WRN: variants seen among roughly 807,000 people sequenced by gnomAD.
WRN encodes bifunctional 3'-5' exonuclease/ATP-dependent helicase WRN.
A neutral mutation model predicts 180.7 loss-of-function variants in WRN; 149 were observed. That is an observed-to-expected ratio of 0.82 (90% CI 0.72 to 0.94). The LOEUF (loss-of-function observed/expected upper bound fraction) is 0.94, where lower values mean the gene tolerates loss of function less well. WRN is among the 40% of genes least tolerant of loss of function. WRN has a pLI of 0.00. For synonymous variants in WRN, 548 were observed against 568.9 expected (o/e 0.96, Z 0.52); for missense variants, 1,661 against 1,700.1 (o/e 0.98, Z 0.40).
chr8:31,128,422 T>C lies in WRN; in HGVS notation c.2825+3422T>C, dbSNP rs74538104. On this transcript the variant is annotated intron_variant, in intron 23 of 34. Transcript: ENST00000298139. The stretch of plus-strand genomic sequence containing the variant: ...ATGTGTATATAACACACTGGGCTAA[T>C]TGTCAGAGTTCAGTTTCTGTCCAAA... Among the ~76,000 whole-genome samples the C allele has an allele frequency of 2.8e-4, 42 of 152,288 alleles. 1 individual carries two copies. In the East Asian group the frequency reaches 7.7e-3, roughly 28 times the overall value.
Position 31,076,219 on chromosome 8 carries a change from C to A in WRN, c.771C>A (p.Ile257=). 1 of 1,613,850 alleles carries A rather than the reference C, an allele frequency of 6.2e-7. No homozygotes were observed. Among genetic ancestry groups the A allele is most frequent in the Non-Finnish European group, 8.5e-7 (1 of 1,179,940 alleles). Residue 257 remains isoleucine, a synonymous_variant, in exon 8 of 35, where the codon ATC becomes ATA. Transcript: ENST00000298139. ...LSDMNKQLTS[I]SEEVMDLAKH... ...ACATGAACAAACAGTTGACTTCAATCTCTGAGGAAGTGATGGATCTGGCTA... is the reference window on the plus strand; with the variant it reads ...ACATGAACAAACAGTTGACTTCAATATCTGAGGAAGTGATGGATCTGGCTA...
intron 18 of WRN, among the ~76,000 whole-genome samples, chr8:31,101,321 C>T (rs953612538): frequency 7.9e-5 from 12 of 152,008 alleles, no homozygotes; most frequent in African/African-American, 1.2e-4. Flanking sequence ...CATATTTGTC[C>T]GAATGTCTTC....
At chr8:31,106,913 A>G (rs1801120365) in intron 18 of WRN, among the ~76,000 whole-genome samples, 1 of 152,212 alleles carries the variant, frequency 6.6e-6, no homozygotes, top group Admixed American at 6.5e-5. Flanking sequence ...ATGAATGATG[A>G]TGAGAAAGCT....
At chr8:31,085,471 T>C (rs529758356) in intron 11 of WRN, among the ~76,000 whole-genome samples, 1 of 151,256 alleles carries the variant, frequency 6.6e-6, no homozygotes, top group East Asian at 1.9e-4. Flanking sequence ...GTTCCTTCTT[T>C]TTTTTTTTTT....
chr8:31,152,513 G>A (rs755893143), intron 31 of WRN, among the ~76,000 whole-genome samples: 1 of 151,260 alleles, frequency 6.6e-6, no homozygotes. Flanking sequence ...CCCTCGACTC[G>A]TGTATATGTT....
chr8:31,084,879 T>G (rs1307590331), intron 10 of WRN, among the ~76,000 whole-genome samples: 1 of 152,206 alleles, frequency 6.6e-6, no homozygotes, highest in Non-Finnish European at 1.5e-5. Flanking sequence ...TTAACCTGAG[T>G]TGAACTTGTC....
intron 9 of WRN, among the ~76,000 whole-genome samples, chr8:31,082,706 C>T (rs774733734): frequency 6.6e-5 from 10 of 151,870 alleles, no homozygotes; most frequent in Non-Finnish European, 1.3e-4. Context: ...AAGTGATTCT[C>T]CTACCTCAGC....
At chr8:31,070,444 A>AG (rs59568642) in intron 7 of WRN, among the ~76,000 whole-genome samples, 1 of 151,782 alleles carries the variant, frequency 6.6e-6, no homozygotes, top group Non-Finnish European at 1.5e-5. Flanking sequence ...ATGGTAGCTA[A>AG]AAACACCAAA....
intron 1 of WRN, among the ~76,000 whole-genome samples, chr8:31,057,169 A>G (rs1485989137): frequency 6.6e-6 from 1 of 152,206 alleles, no homozygotes; most frequent in Non-Finnish European, 1.5e-5. Context: ...GTCAGAATTT[A>G]TATTGTTAAA....
In WRN at chr8:31,112,098, A is replaced by G. The variant is rs144437633; in HGVS notation, c.2273+299A>G. On this transcript the variant is annotated intron_variant, in intron 19 of 34. Coordinates refer to ENST00000298139, the MANE Select transcript of WRN (RefSeq NM_000553.6). ...AAATTTTACTTATTTATTTATAGAG[A>G]CAGGGTCTCTCTGTCGTCCAGGCTG... 4.6e-3 allele frequency among the ~76,000 whole-genome samples: 700 copies of G among 152,136 alleles called. 6 individuals carry two copies. The highest frequency in any genetic ancestry group is 0.015 in the African/African-American group (636 of 41,480).
chr8:31,147,928 C>T (rs1345519129), intron 30 of WRN, among the ~76,000 whole-genome samples: 1 of 138,792 alleles, frequency 7.2e-6, no homozygotes, highest in Non-Finnish European at 1.5e-5. Flanking sequence ...CACTGTGTTG[C>T]CCAGGCTGGA....
At position 31,147,424 on chromosome 8, in the gene WRN, C is replaced by G; in HGVS notation, c.3520C>G (p.Pro1174Ala). The G allele has an allele frequency of 1.2e-6, 2 of 1,613,990 alleles. No homozygotes were observed. The highest frequency in any genetic ancestry group is 8.5e-7 in the Non-Finnish European group (1 of 1,179,960). Residue 1174 changes from proline to alanine, a missense_variant, in exon 30 of 35, where the codon CCC becomes GCC. Physicochemically the swap from Pro to Ala is conservative, Grantham distance 27. Coordinates refer to ENST00000298139, the MANE Select transcript of WRN (RefSeq NM_000553.6). ...GAAACATGCCAATAAAATGGATGTT[C>G]CCCCAGCTATTCTGGCAACAAACAA... ...RQKHANKMDV[P>A]PAILATNKIL...
intron 15 of WRN, 37 bp downstream of exon 15, chr8:31,090,979 T>A (rs1813728377): frequency 6.7e-7 from 1 of 1,486,110 alleles, no homozygotes; most frequent in Non-Finnish European, 9.4e-7. Context: ...ATCACCCTCT[T>A]TTTTTCTTCT....
At chr8:31,096,380 G>A (rs978344144) in intron 16 of WRN, among the ~76,000 whole-genome samples, 2 of 152,088 alleles carry the variant, frequency 1.3e-5, no homozygotes, top group Non-Finnish European at 2.9e-5. Context: ...TTAGGATTCT[G>A]TCTACCCAGA....
rs746470648 is a variant in WRN at position 31,142,676 on chromosome 8, C to T, written c.3284C>T (p.Pro1095Leu). ...AAAGAGCATTGTTATAATCAAGTAC[C>T]AGTTGAATTAAGTACAGAGAAGAAG... ...GTKEHCYNQV[P>L]VELSTEKKSN... The change falls in exon 27 of 35, where the codon CCA becomes CTA. Residue 1095 changes from proline (P) to leucine (L), a missense_variant. Coordinates refer to ENST00000298139, the MANE Select transcript of WRN (RefSeq NM_000553.6). 8.4e-5 allele frequency: 134 copies of T among 1,602,652 alleles called. No homozygotes were observed. The highest frequency in any genetic ancestry group is 1.1e-4 in the Non-Finnish European group (130 of 1,174,600).
chr8:31,104,780 C>A (rs143433215), intron 18 of WRN, among the ~76,000 whole-genome samples: 1 of 152,128 alleles, frequency 6.6e-6, no homozygotes, highest in African/African-American at 2.4e-5. Context: ...ATTGCGTTTG[C>A]CCCTTTGTTG....
chr8:31,066,883 T>C, intron 5 of WRN, 150 bp from the exon 6 acceptor site: 1 of 869,970 alleles, frequency 1.1e-6, no homozygotes, highest in Non-Finnish European at 1.8e-6. Flanking sequence ...ATGAGGCTTT[T>C]AGTGACAGGG....
At chr8:31,086,899 C>T (rs138071971) in intron 11 of WRN, among the ~76,000 whole-genome samples, 93 of 152,200 alleles carry the variant, frequency 6.1e-4, no homozygotes, top group Non-Finnish European at 1.2e-3. Flanking sequence ...CGTCTACAAA[C>T]GTATACATTA....
chr8:31,172,287 C>T (rs368715016), intron 34 of WRN, among the ~76,000 whole-genome samples: 60 of 152,066 alleles, frequency 3.9e-4, no homozygotes, highest in African/African-American at 1.1e-3. Flanking sequence ...GGATTGCAGG[C>T]GTGAGCCACC....
Sources: allele counts gnomAD v4.1 joint callset (sites outside exome capture counted in the v4.1 genomes callset), GRCh38; gene constraint gnomAD v4.1.1; transcripts MANE v1.5; gene names NCBI Gene and HGNC (gene_info 2026-07-23, HGNC 2026-07-21).